The following BMERB1 variants were observed in gnomAD, a reference collection of about 807,000 sequenced individuals.
BMERB1 encodes the protein bMERB domain-containing protein 1.
A neutral mutation model predicts 23.6 loss-of-function variants in BMERB1; 12 were observed. The ratio of observed to expected loss-of-function variants is 0.51; its 90% CI spans 0.33 to 0.82. The LOEUF is 0.82. Ranked by LOEUF, BMERB1 falls within the 40% of genes least tolerant of loss-of-function variation. BMERB1 has a pLI of 0.03. For synonymous variants in BMERB1, 122 were observed against 96.6 expected (o/e 1.26, Z -1.54); for missense variants, 247 against 255.4 (o/e 0.97, Z 0.22).
At chr16:15,584,377 TGAA>T (rs1328633836) in intron 5 of BMERB1, among the ~76,000 whole-genome samples, 1 of 151,926 alleles carries the variant, frequency 6.6e-6, no homozygotes, top group African/African-American at 2.4e-5. Context: ...GCTAACACGG[TGAA>T]GCCCCGTCTC....
intron 1 of BMERB1, among the ~76,000 whole-genome samples, chr16:15,487,728 A>G (rs1294006325): frequency 6.6e-6 from 1 of 152,230 alleles, no homozygotes; most frequent in Admixed American, 6.5e-5. Context: ...ATTATTCATG[A>G]GTTTTCTGGG....
intron 2 of BMERB1, among the ~76,000 whole-genome samples, chr16:15,558,656 A>G (rs1392855369): frequency 2.0e-5 from 3 of 152,018 alleles, no homozygotes; most frequent in Non-Finnish European, 4.4e-5. Flanking sequence ...CATATATGTG[A>G]CATATGACAT....
chr16:15,583,014 A>G, intron 4 of BMERB1, 142 bp from the exon 5 acceptor site: 1 of 694,170 alleles, frequency 1.4e-6, no homozygotes, highest in South Asian at 1.6e-5. Context: ...ACATATACAT[A>G]CTGTACACGC....
intron 3 of BMERB1, among the ~76,000 whole-genome samples, chr16:15,577,685 C>G (rs540898958): frequency 2.0e-5 from 3 of 152,198 alleles, no homozygotes; most frequent in Non-Finnish European, 2.9e-5. Context: ...GGTTTTATGT[C>G]TCTCCTCCCT....
intron 2 of BMERB1, among the ~76,000 whole-genome samples, 191 bp from the exon 3 acceptor site, chr16:15,567,792 C>A (rs750432174): frequency 1.1e-4 from 17 of 152,104 alleles, no homozygotes; most frequent in Non-Finnish European, 1.5e-5. Context: ...AAACAGTGAT[C>A]ATTTCTAGGT....
intron 1 of BMERB1, among the ~76,000 whole-genome samples, chr16:15,437,875 G>A (rs886447619): frequency 3.3e-5 from 5 of 151,868 alleles, no homozygotes; most frequent in South Asian, 2.1e-4. Flanking sequence ...GGAGAATGGC[G>A]TGAACCTGGG....
At chr16:15,444,141 T>TTTTTTTTTTTTTTTTTTTTTTC (rs2050969508) in intron 1 of BMERB1, among the ~76,000 whole-genome samples, 1 of 128,602 alleles carries the variant, frequency 7.8e-6, no homozygotes, top group Non-Finnish European at 1.7e-5. Flanking sequence ...TTTTTTTTTT[T>TTTTTTTTTTTTTTTTTTTTTTC]TTTTTTTTTG....
At chr16:15,512,838 C>T (rs946822109) in intron 1 of BMERB1, among the ~76,000 whole-genome samples, 5 of 151,230 alleles carry the variant, frequency 3.3e-5, no homozygotes, top group African/African-American at 1.2e-4. Flanking sequence ...GATATTGTGC[C>T]ACTGCACTCC....
intron 1 of BMERB1, among the ~76,000 whole-genome samples, chr16:15,463,663 C>G (rs1271766009): frequency 6.6e-6 from 1 of 152,132 alleles, no homozygotes; most frequent in Non-Finnish European, 1.5e-5. Context: ...AGTAACTTCT[C>G]ACCTTACATG....
intron 4 of BMERB1, among the ~76,000 whole-genome samples, chr16:15,582,427 G>GA (rs1450507271): frequency 6.6e-6 from 1 of 151,918 alleles, no homozygotes; most frequent in Non-Finnish European, 1.5e-5. Context: ...AAAAAATACA[G>GA]AAAACTACAA....
intron 2 of BMERB1, among the ~76,000 whole-genome samples, chr16:15,562,810 T>C (rs1384555082): frequency 6.6e-6 from 1 of 152,236 alleles, no homozygotes; most frequent in Non-Finnish European, 1.5e-5. Flanking sequence ...GGGAACAGTC[T>C]GTGCCCTCCC....
intron 1 of BMERB1, among the ~76,000 whole-genome samples, chr16:15,436,456 A>C (rs2050889074): frequency 6.6e-6 from 1 of 151,940 alleles, no homozygotes; most frequent in Non-Finnish European, 1.5e-5. Flanking sequence ...ATGGGGTTTC[A>C]CCATGTTGGG....
intron 2 of BMERB1, among the ~76,000 whole-genome samples, chr16:15,540,526 AAATAAT>A (rs924312270): frequency 1.3e-5 from 2 of 152,094 alleles, no homozygotes; most frequent in African/African-American, 4.8e-5. Context: ...ACCCTGTCTC[AAATAAT>A]AATAATAATA....
intron 1 of BMERB1, among the ~76,000 whole-genome samples, chr16:15,499,320 C>T (rs1485394568): frequency 6.6e-6 from 1 of 151,988 alleles, no homozygotes; most frequent in East Asian, 1.9e-4. Flanking sequence ...ATCACTTGAA[C>T]CCGGGAGGTG....
At chr16:15,585,694 G>A (rs927059037) in intron 5 of BMERB1, among the ~76,000 whole-genome samples, 3 of 152,158 alleles carry the variant, frequency 2.0e-5, no homozygotes, top group African/African-American at 7.2e-5. Context: ...GCCAGGCATG[G>A]TGGCGCACAC....
intron 1 of BMERB1, among the ~76,000 whole-genome samples, chr16:15,477,394 C>A (rs974488017): frequency 6.6e-6 from 1 of 152,278 alleles, no homozygotes; most frequent in South Asian, 2.1e-4. Flanking sequence ...ATGGGAATTA[C>A]AATTCAAGGT....
intron 1 of BMERB1, among the ~76,000 whole-genome samples, chr16:15,439,812 G>A (rs1262018802): frequency 6.6e-6 from 1 of 152,134 alleles, no homozygotes. Flanking sequence ...TTGAAAAAGC[G>A]CAGAGCTTTT....
chr16:15,456,009 G>A (rs1469070514), intron 1 of BMERB1, among the ~76,000 whole-genome samples: 1 of 152,054 alleles, frequency 6.6e-6, no homozygotes, highest in Non-Finnish European at 1.5e-5. Flanking sequence ...GTAATTTGGT[G>A]GTATTCATTG....
intron 3 of BMERB1, among the ~76,000 whole-genome samples, chr16:15,578,223 CCTCT>C (rs1448842716): frequency 6.8e-6 from 1 of 146,426 alleles, no homozygotes; most frequent in African/African-American, 2.6e-5. Flanking sequence ...CTTCTCTTCT[CCTCT>C]TTTTTTTTTT....
Sources: gnomAD v4.1 joint callset for allele counts (sites outside exome capture counted in the v4.1 genomes callset) on GRCh38, gnomAD v4.1.1 for gene constraint, MANE v1.5 for transcripts, NCBI Gene and HGNC (gene_info 2026-07-23, HGNC 2026-07-21) for gene names.